The following ZZEF1 variants were observed in gnomAD, a reference collection of about 807,000 sequenced individuals.
ZZEF1 encodes the protein zinc finger ZZ-type and EF-hand domain containing 1, also known as zinc finger ZZ-type and EF-hand domain-containing protein 1.
ZZEF1 carries 157 observed loss-of-function variants against 342.8 expected under a neutral mutation model. The ratio of observed to expected loss-of-function variants is 0.46; its 90% CI spans 0.40 to 0.52. ZZEF1 has a LOEUF of 0.52. ZZEF1 is among the 20% of genes least tolerant of loss of function. The pLI is 0.00. For synonymous variants in ZZEF1, 1,505 were observed against 1,429.1 expected (o/e 1.05, Z -1.20); for missense variants, 3,480 against 3,725.6 (o/e 0.93, Z 1.72).
intron 9 of ZZEF1, 100 bp downstream of exon 9, chr17:4,102,217 A>G (rs1003352957): frequency 9.6e-7 from 1 of 1,036,836 alleles, no homozygotes; most frequent in Non-Finnish European, 1.5e-6. Flanking sequence ...CCTAAAATTG[A>G]AGACTGCACG....
At chr17:4,097,938 A>C (rs1360756473) in intron 9 of ZZEF1, among the ~76,000 whole-genome samples, 1 of 150,576 alleles carries the variant, frequency 6.6e-6, no homozygotes, top group Non-Finnish European at 1.5e-5. Flanking sequence ...AAAAAAAAAA[A>C]AAAAAAAGCA....
intron 1 of ZZEF1, among the ~76,000 whole-genome samples, chr17:4,137,708 C>T (rs1263981750): frequency 6.6e-6 from 1 of 152,218 alleles, no homozygotes; most frequent in African/African-American, 2.4e-5. Context: ...CTCCTGTGTA[C>T]AATGGTAGTG....
At position 4,117,060 on chromosome 17, in the gene ZZEF1, G is replaced by A. The variant is rs1320001840; in HGVS notation, c.606C>T (p.Tyr202=). 1 of 1,614,036 alleles carries A rather than the reference G, an allele frequency of 6.2e-7. No individual in the cohort carries two copies. Among genetic ancestry groups the A allele is most frequent in the African/African-American group, 1.3e-5 (1 of 74,938 alleles). ...TGTTATTGCAGTGCTCCAGCATCGG[G>A]TAGGGCATCACCGCGCTGGAGAGCC... ...RNRLSSAVMP[Y]PMLEHCNNMC... is the part of the protein sequence containing the mutation. The change falls in exon 3 of 55, where the codon TAC becomes TAT. Residue 202 remains tyrosine, a synonymous_variant. Transcript: ENST00000381638.
At chr17:4,074,435 A>G in intron 23 of ZZEF1, 84 bp from the exon 24 acceptor site, 3 of 1,379,168 alleles carry the variant, frequency 2.2e-6, no homozygotes, top group Non-Finnish European at 3.1e-6. Flanking sequence ...GACGAGAAAC[A>G]TCTCAGTTTA....
Position 4,104,790 on chromosome 17 carries a change from T to A in ZZEF1, c.1416A>T (p.Val472=). 6.2e-7 allele frequency: 1 copy of A among 1,614,066 alleles called. No individual in the cohort carries two copies. Among genetic ancestry groups the A allele is most frequent in the Non-Finnish European group, 8.5e-7 (1 of 1,179,978 alleles). The stretch of plus-strand genomic sequence containing the variant: ...GAGCAAAAGCCAGAAGAGTCAGTTC[T>A]ACCTCTGGGGTAGAACAGCAGCTAT... ...RITSCCSTPE[V]ELTLLAFALA... is the part of the protein sequence containing the mutation. The change falls in exon 8 of 55, where the codon GTA becomes GTT. Residue 472 remains valine, a synonymous_variant. Coordinates refer to ENST00000381638, the MANE Select transcript of ZZEF1 (RefSeq NM_015113.4).
rs139480057 is a variant in ZZEF1 at position 4,117,609 on chromosome 17, C to A, written c.500-443G>T. ...GTTGCAGTGAGCCCAGATCACGCCA[C>A]TGCACTCCAGCCTGGGCAACAACAG... On this transcript the variant is annotated intron_variant, in intron 2 of 54. Coordinates refer to ENST00000381638, the MANE Select transcript of ZZEF1 (RefSeq NM_015113.4). 8.5e-3 allele frequency among the ~76,000 whole-genome samples: 1,184 copies of A among 138,580 alleles called. 14 individuals carry two copies. The highest frequency in any genetic ancestry group is 0.031 in the African/African-American group (1,125 of 36,226). The allele number at this position is 138,580 out of a possible 152,430, so 90.9% of individuals were successfully genotyped here. A position where few individuals can be genotyped will look rare whatever the true frequency, so the allele number is the denominator to read the frequency against.
intron 18 of ZZEF1, among the ~76,000 whole-genome samples, chr17:4,081,045 T>G (rs993063009): frequency 1.3e-5 from 2 of 152,184 alleles, no homozygotes; most frequent in African/African-American, 4.8e-5. Flanking sequence ...AAGACCAGCC[T>G]GGGCAACATA....
Position 4,104,589 on chromosome 17 carries a change from C to T in ZZEF1, c.1573+44G>A, listed in dbSNP as rs781433565. 5.6e-6 allele frequency: 9 copies of T among 1,600,710 alleles called. 1 individual carries two copies. In the South Asian group the frequency reaches 1.0e-4, roughly 18 times the overall value. The stretch of plus-strand genomic sequence containing the variant: ...GGCGAAGAATGGTTTTACGATTTGT[C>T]CACTGTTGACATTTCTATCACCCCC... On this transcript the variant is annotated intron_variant, in intron 8 of 54. Transcript: ENST00000381638.
intron 34 of ZZEF1, 135 bp from the exon 35 acceptor site, chr17:4,052,271 T>G: frequency 1.2e-6 from 1 of 818,374 alleles, no homozygotes; most frequent in Non-Finnish European, 1.8e-6. Context: ...ACAGGCGTTC[T>G]CTGGAGACAG....
chr17:4,096,099 A>G, intron 10 of ZZEF1, 120 bp from the exon 11 acceptor site: 3 of 1,124,034 alleles, frequency 2.7e-6, no homozygotes, highest in Non-Finnish European at 3.7e-6. Context: ...AAAATATTTC[A>G]AACATATTAA....
At chr17:4,060,576 A>C (rs920581599) in intron 30 of ZZEF1, among the ~76,000 whole-genome samples, 6 of 151,418 alleles carry the variant, frequency 4.0e-5, no homozygotes, top group Non-Finnish European at 8.8e-5. Context: ...CAACAACAAC[A>C]ACAACAAAAA....
At chr17:4,103,284 G>A (rs1001732649) in intron 8 of ZZEF1, among the ~76,000 whole-genome samples, 2 of 152,124 alleles carry the variant, frequency 1.3e-5, no homozygotes, top group Non-Finnish European at 2.9e-5. Context: ...GCTCATGCCT[G>A]TAAATTCCAG....
Position 4,142,697 on chromosome 17 carries a change from G to C in ZZEF1, c.199C>G (p.Pro67Ala), listed in dbSNP as rs1455928327. 8 of 1,603,960 alleles carry C rather than the reference G, an allele frequency of 5.0e-6. No homozygotes were observed. In the East Asian group the frequency reaches 1.6e-4, roughly 31 times the overall value. The change falls in exon 1 of 55, where the codon CCC becomes GCC. Residue 67 changes from proline to alanine, a missense_variant. Pro to Ala is a conservative substitution (Grantham distance 27). Transcript: ENST00000381638. ...REAAAALLPT[P>A]PCESLVSRHR... ...CTCGACACCAGCGACTCGCAGGGGG[G>C]TGTGGGCAGCAACGCTGCAGCAGCC...
At chr17:4,119,645 T>C (rs1299427948) in intron 2 of ZZEF1, among the ~76,000 whole-genome samples, 5 of 152,230 alleles carry the variant, frequency 3.3e-5, no homozygotes, top group Admixed American at 2.0e-4. Flanking sequence ...TTGTGTCTGA[T>C]TTTCCACAAT....
chr17:4,107,697 A>C (rs1314656612), intron 6 of ZZEF1, among the ~76,000 whole-genome samples: 2 of 152,236 alleles, frequency 1.3e-5, no homozygotes, highest in Admixed American at 6.5e-5. Context: ...AGTACAAAAA[A>C]TGTATTAAGG....
intron 34 of ZZEF1, among the ~76,000 whole-genome samples, chr17:4,052,534 A>G (rs2057071671): frequency 6.6e-6 from 1 of 152,196 alleles, no homozygotes. Context: ...AGAATCACAG[A>G]TGAAAACAGA....
chr17:4,058,306 A>G, intron 31 of ZZEF1, 151 bp from the exon 32 acceptor site: 1 of 790,752 alleles, frequency 1.3e-6, no homozygotes, highest in Non-Finnish European at 2.0e-6. Flanking sequence ...CTCATACTCC[A>G]CACAAACATC....
intron 11 of ZZEF1, among the ~76,000 whole-genome samples, chr17:4,093,883 T>C (rs972320994): frequency 1.2e-4 from 18 of 152,186 alleles, no homozygotes; most frequent in Non-Finnish European, 4.4e-5. Context: ...CACCAGTGGC[T>C]ACATCCGACA....
intron 11 of ZZEF1, among the ~76,000 whole-genome samples, chr17:4,092,332 T>C (rs1395826610): frequency 5.9e-5 from 8 of 136,158 alleles, no homozygotes; most frequent in African/African-American, 1.9e-4. Context: ...GGAGTCTTGC[T>C]CTGTCGCCCA....
Sources: allele counts gnomAD v4.1 joint callset (sites outside exome capture counted in the v4.1 genomes callset), GRCh38; gene constraint gnomAD v4.1.1; transcripts MANE v1.5; gene names NCBI Gene and HGNC (gene_info 2026-07-23, HGNC 2026-07-21).